The following CNTNAP5 variants were observed in gnomAD, a reference collection of about 807,000 sequenced individuals.
CNTNAP5 encodes contactin associated protein family member 5.
A neutral mutation model predicts 150.2 loss-of-function variants in CNTNAP5; 72 were observed. The ratio of observed to expected loss-of-function variants is 0.48; its 90% CI spans 0.40 to 0.58. CNTNAP5 has a LOEUF of 0.58. Ranked by LOEUF, CNTNAP5 falls within the 20% of genes least tolerant of loss-of-function variation. The probability of loss-of-function intolerance (pLI) is 0.00; values close to 1 mark genes in which losing one functional copy is unlikely to be tolerated. For synonymous variants in CNTNAP5, 672 were observed against 619.8 expected (o/e 1.08, Z -1.25); for missense variants, 1,636 against 1,626.2 (o/e 1.01, Z -0.10).
At position 124,041,845 on chromosome 2, in the gene CNTNAP5, A is replaced by G. The variant is rs1383727506; in HGVS notation, c.82+16113A>G. 3.6e-5 allele frequency among the ~76,000 whole-genome samples: 4 copies of G among 112,434 alleles called. No individual in the cohort carries two copies. The South Asian group carries it at 1.4e-3, about 41-fold the overall frequency. The allele number at this position is 112,434 out of a possible 152,430, so 73.8% of individuals were successfully genotyped here. A position where few individuals can be genotyped will look rare whatever the true frequency, so the allele number is the denominator to read the frequency against. ...ATCTATTAGTGATTTATGCATCATGATGTGTCAAATTACATATATATATAT... is the reference window on the plus strand; with the variant it reads ...ATCTATTAGTGATTTATGCATCATGGTGTGTCAAATTACATATATATATAT... On this transcript the variant is annotated intron_variant, in intron 1 of 23. Transcript: ENST00000682447.
intron 1 of CNTNAP5, among the ~76,000 whole-genome samples, chr2:124,045,223 T>C (rs950785734): frequency 1.1e-4 from 17 of 151,994 alleles, no homozygotes; most frequent in Admixed American, 3.3e-4. Flanking sequence ...TGGGTCTAGG[T>C]AAGTCTTCCA....
At chr2:124,261,244 G>C (rs186186139) in intron 3 of CNTNAP5, among the ~76,000 whole-genome samples, 1 of 152,138 alleles carries the variant, frequency 6.6e-6, no homozygotes, top group East Asian at 1.9e-4. Context: ...TTTAAATATA[G>C]AGATATCTAA....
chr2:124,428,779 TC>T (rs1692300677), intron 4 of CNTNAP5, among the ~76,000 whole-genome samples: 1 of 152,134 alleles, frequency 6.6e-6, no homozygotes, highest in South Asian at 2.1e-4. Flanking sequence ...GTATATTAGT[TC>T]CTTTTCCCCC....
intron 1 of CNTNAP5, among the ~76,000 whole-genome samples, chr2:124,199,087 A>T (rs1432029582): frequency 6.6e-6 from 1 of 151,064 alleles, no homozygotes; most frequent in Non-Finnish European, 1.5e-5. Flanking sequence ...ATTTCTTCTC[A>T]TTATTTTCTT....
At chr2:124,739,592 G>A (rs1272473056) in intron 13 of CNTNAP5, among the ~76,000 whole-genome samples, 1 of 152,050 alleles carries the variant, frequency 6.6e-6, no homozygotes, top group Admixed American at 6.6e-5. Flanking sequence ...TTAACTGCAA[G>A]CAATGAAATA....
At chr2:124,340,854 C>T (rs1171115333) in intron 3 of CNTNAP5, among the ~76,000 whole-genome samples, 1 of 147,792 alleles carries the variant, frequency 6.8e-6, no homozygotes, top group Non-Finnish European at 1.5e-5. Context: ...TATATGTACA[C>T]ACACACTATA....
chr2:124,489,343 C>G (rs1030801708), intron 7 of CNTNAP5, among the ~76,000 whole-genome samples: 2 of 152,108 alleles, frequency 1.3e-5, no homozygotes, highest in African/African-American at 4.8e-5. Context: ...TGTAGATGGC[C>G]CTCTTCTCCC....
intron 19 of CNTNAP5, among the ~76,000 whole-genome samples, chr2:124,822,086 T>C (rs970544779): frequency 6.6e-6 from 1 of 150,858 alleles, no homozygotes; most frequent in Non-Finnish European, 1.5e-5. Flanking sequence ...TTTAGTCCAT[T>C]TATTACAACT....
chr2:124,676,728 T>C (rs760772480), intron 13 of CNTNAP5, among the ~76,000 whole-genome samples: 6 of 152,134 alleles, frequency 3.9e-5, no homozygotes, highest in Non-Finnish European at 8.8e-5. Context: ...TGGAGCTAAG[T>C]GAAGAAGGAA....
chr2:124,792,746 T>G (rs969730604), intron 18 of CNTNAP5, among the ~76,000 whole-genome samples: 1 of 152,224 alleles, frequency 6.6e-6, no homozygotes, highest in Non-Finnish European at 1.5e-5. Context: ...GATTTGCCCA[T>G]CCTGAGCCTT....
rs572138642 is a variant in CNTNAP5 at position 124,799,116 on chromosome 2, G to T, written c.3217+796G>T. Among the ~76,000 whole-genome samples the T allele has an allele frequency of 2.6e-5, 4 of 152,154 alleles. 1 individual carries two copies. Among genetic ancestry groups the T allele is most frequent in the African/African-American group, 9.6e-5 (4 of 41,508 alleles). ...GTCAATATCATAGTATCTGAGGAAGGGATCATTTTTCAATTTGCATGGTAT... is the reference window on the plus strand; with the variant it reads ...GTCAATATCATAGTATCTGAGGAAGTGATCATTTTTCAATTTGCATGGTAT... On this transcript the variant is annotated intron_variant, in intron 19 of 23. Coordinates refer to ENST00000682447, the MANE Select transcript of CNTNAP5 (RefSeq NM_001367498.1).
At chr2:124,749,626 G>A (rs1680681179) in intron 14 of CNTNAP5, among the ~76,000 whole-genome samples, 1 of 152,110 alleles carries the variant, frequency 6.6e-6, no homozygotes, top group South Asian at 2.1e-4. Context: ...ATATTGGTCA[G>A]GCTGGTCTCG....
At chr2:124,071,369 A>C (rs1177957813) in intron 1 of CNTNAP5, among the ~76,000 whole-genome samples, 1 of 151,900 alleles carries the variant, frequency 6.6e-6, no homozygotes, top group African/African-American at 2.4e-5. Context: ...CAAATAAATA[A>C]AATTAAAATG....
Position 124,603,789 on chromosome 2 carries a change from A to G in CNTNAP5, c.1757-6012A>G, listed in dbSNP as rs112876637. On this transcript the variant is annotated intron_variant, in intron 11 of 23. Transcript: ENST00000682447. ...GATAGATAGATAAATAAATACATAC[A>G]TACATATATACATACATACCTACAT... Among the ~76,000 whole-genome samples, 1,107 of 152,320 alleles carry G rather than the reference A, an allele frequency of 7.3e-3. 12 individuals are homozygous for G. The highest frequency in any genetic ancestry group is 0.024 in the African/African-American group (1,006 of 41,564).
In CNTNAP5 at chr2:124,313,074, A is replaced by G. The variant is rs1400953769; in HGVS notation, c.381+70681A>G. On this transcript the variant is annotated intron_variant, in intron 3 of 23. Transcript: ENST00000682447. ...GCTCTGGGCTCTGAATAGACTGGAA[A>G]TTACTGTGTGTGCATTTTAACAATG... is the stretch of plus-strand genomic sequence containing the variant. 3.9e-5 allele frequency among the ~76,000 whole-genome samples: 6 copies of G among 152,190 alleles called. No individual in the cohort carries two copies. The South Asian group carries it at 6.2e-4, about 16-fold the overall frequency.
At chr2:124,164,998 G>A (rs1441827465) in intron 1 of CNTNAP5, among the ~76,000 whole-genome samples, 3 of 152,156 alleles carry the variant, frequency 2.0e-5, no homozygotes, top group African/African-American at 7.2e-5. Flanking sequence ...CCTGGAGCCA[G>A]CCAGAGAAGG....
rs1480880443 is a variant in CNTNAP5, at chr2:124,571,522, T to TTTTTCTTTTTCTTTTTCTCTTTG, written c.1756+8209_1756+8210insCTTTTTCTCTTTGTTTTCTTTTT. Among the ~76,000 whole-genome samples, 96 of 73,964 alleles carry TTTTTCTTTTTCTTTTTCTCTTTG rather than the reference T, an allele frequency of 1.3e-3. 4 individuals carry two copies. Among genetic ancestry groups the TTTTTCTTTTTCTTTTTCTCTTTG allele is most frequent in the African/African-American group, 4.3e-3 (93 of 21,410 alleles). 48.5% of individuals were successfully genotyped at this position (73,964 alleles called of 152,430 possible). On this transcript the variant is annotated intron_variant, in intron 11 of 23. Transcript: ENST00000682447. ...TATCCCACTGAGTACTTTTTTTTCT[T>TTTTTCTTTTTCTTTTTCTCTTTG]TTTTCTTTTTTTTTTTTTTTTTTTT...
intron 1 of CNTNAP5, among the ~76,000 whole-genome samples, chr2:124,052,773 C>T (rs1681734151): frequency 6.6e-6 from 1 of 152,224 alleles, no homozygotes; most frequent in Non-Finnish European, 1.5e-5. Flanking sequence ...CCTCTCTGAA[C>T]TCAGCCCTCC....
intron 8 of CNTNAP5, among the ~76,000 whole-genome samples, chr2:124,510,340 C>CTATATATCTATCTATATAT (rs1694544892): frequency 2.5e-4 from 1 of 3,946 alleles, no homozygotes; most frequent in Non-Finnish European, 7.6e-4. Flanking sequence ...TATATATCTC[C>CTATATATCTATCTATATAT]ATATGTCAAC....
Sources: gnomAD v4.1 joint callset for allele counts (sites outside exome capture counted in the v4.1 genomes callset) on GRCh38, gnomAD v4.1.1 for gene constraint, MANE v1.5 for transcripts, NCBI Gene and HGNC (gene_info 2026-07-23, HGNC 2026-07-21) for gene names.